Variants in SLC44A3 observed in about 807,000 individuals in gnomAD.
The protein encoded by SLC44A3 is choline transporter-like protein 3.
Under a neutral mutation model 75.4 loss-of-function variants are expected in SLC44A3, and 74 were observed. The observed-to-expected ratio is 0.98, with a 90% CI of 0.81 to 1.19. The LOEUF is 1.19. Ranked by LOEUF, SLC44A3 falls within the 50% of genes most tolerant of loss-of-function variation. SLC44A3 has a pLI of 0.00. For missense variants in SLC44A3, 700 were observed against 778.6 expected, an observed-to-expected ratio of 0.90 and a Z score of 1.20; for synonymous variants, 310 against 296.9, an observed-to-expected ratio of 1.04 and a Z score of -0.45.
At position 94,828,587 on chromosome 1, in the gene SLC44A3, G is replaced by A; in HGVS notation, c.509+1G>A. ...GTCCCAGGCTACCAGTTCCTCCAAG[G>A]TAAAAGCTTCCATACTTTTTCCTTA... is the stretch of plus-strand genomic sequence containing the variant. On this transcript the variant is annotated splice_donor_variant, in intron 5 of 14. Coordinates refer to ENST00000271227, the MANE Select transcript of SLC44A3 (RefSeq NM_001114106.3). LOFTEE classifies it high-confidence loss of function. The A allele has an allele frequency of 6.2e-7, 1 of 1,613,360 alleles. No individual in the cohort carries two copies. Among genetic ancestry groups the A allele is most frequent in the Non-Finnish European group, 8.5e-7 (1 of 1,179,630 alleles).
At chr1:94,855,401 A>G (rs1400429962) in intron 9 of SLC44A3, 1 of 152,218 alleles carries the variant, frequency 6.6e-6, no homozygotes, top group East Asian at 1.9e-4. Context: ...CCTGGCTCAG[A>G]GCACTTCTCA....
At position 94,895,026 on chromosome 1, in the gene SLC44A3, A is replaced by G. The variant is rs2101706732; in HGVS notation, c.*104A>G. 5.1e-6 allele frequency: 4 copies of G among 778,484 alleles called. No individual in the cohort carries two copies. Among genetic ancestry groups the G allele is most frequent in the Non-Finnish European group, 6.2e-6 (3 of 484,016 alleles). The allele number at this position is 778,484 out of a possible 1,614,324, so 48.2% of individuals were successfully genotyped here. ...GAAAAGTTAGTGAATTTTTTTTTAA[A>G]AGACCTAATAAACCCTATTCTTCCT... On this transcript the variant is annotated 3_prime_UTR_variant, in exon 15 of 15. Transcript: ENST00000271227.
intron 12 of SLC44A3, among the ~76,000 whole-genome samples, chr1:94,878,917 A>G (rs1557878858): frequency 6.6e-6 from 1 of 152,234 alleles, no homozygotes; most frequent in Non-Finnish European, 1.5e-5. Flanking sequence ...TACCTTATAC[A>G]GGAAAATTAA....
chr1:94,844,179 C>A (rs1664083730), intron 8 of SLC44A3, among the ~76,000 whole-genome samples: 2 of 152,230 alleles, frequency 1.3e-5, no homozygotes, highest in South Asian at 4.1e-4. Context: ...AAAATGGGAG[C>A]ACACAAGAGG....
At chr1:94,873,275 G>C (rs1233000430) in intron 12 of SLC44A3, among the ~76,000 whole-genome samples, 1 of 152,200 alleles carries the variant, frequency 6.6e-6, no homozygotes, top group Non-Finnish European at 1.5e-5. Flanking sequence ...CCTTGATGCA[G>C]TGTGTAAAGC....
In SLC44A3 at chr1:94,891,204, C is replaced by T. The variant is rs759781982; in HGVS notation, c.1557C>T (p.Ser519=). 1 of 1,613,478 alleles carries T rather than the reference C, an allele frequency of 6.2e-7. No individual in the cohort carries two copies. The highest frequency in any genetic ancestry group is 8.5e-7 in the Non-Finnish European group (1 of 1,179,706). The part of the protein sequence containing the change: ...TSAKDAFKIL[S]KNSSHFTSIN... ...CAAAAGATGCATTCAAAATCTTGTC[C>T]AAGAACTCAAGTCACTTTACATCTA... The change falls in exon 13 of 15, where the codon TCC becomes TCT. Residue 519 remains serine, a synonymous_variant. Coordinates refer to ENST00000271227, the MANE Select transcript of SLC44A3 (RefSeq NM_001114106.3).
At chr1:94,886,515 C>G (rs1204660865) in intron 12 of SLC44A3, among the ~76,000 whole-genome samples, 1 of 152,112 alleles carries the variant, frequency 6.6e-6, no homozygotes, top group African/African-American at 2.4e-5. Flanking sequence ...CTGCTGCTGC[C>G]TCCTACCCTG....
At chr1:94,832,197 A>G (rs1662221468) in intron 5 of SLC44A3, among the ~76,000 whole-genome samples, 1 of 152,086 alleles carries the variant, frequency 6.6e-6, no homozygotes, top group Admixed American at 6.5e-5. Flanking sequence ...TACCCCAGCT[A>G]ATGAAATACT....
rs575388569 is a variant in SLC44A3, at chr1:94,838,945, T to G, written c.671-1003T>G. On this transcript the variant is annotated intron_variant, in intron 6 of 14. Coordinates refer to ENST00000271227, the MANE Select transcript of SLC44A3 (RefSeq NM_001114106.3). ...TACCATGTGCCAGGCATTGTACTTA[T>G]TCTTCACTCATTAAAACCTCATCAG... 3.3e-5 allele frequency: 5 copies of G among 152,358 alleles called. No homozygotes were observed. The East Asian group carries it at 9.6e-4, about 29-fold the overall frequency. The allele number at this position is 152,358 out of a possible 1,614,324, so 9.4% of individuals were successfully genotyped here. A position where few individuals can be genotyped will look rare whatever the true frequency, so the allele number is the denominator to read the frequency against.
chr1:94,851,049 A>G (rs984460492), intron 9 of SLC44A3, among the ~76,000 whole-genome samples: 6 of 152,106 alleles, frequency 3.9e-5, no homozygotes, highest in African/African-American at 1.4e-4. Flanking sequence ...AGCAGTCTCC[A>G]TGCACATCCC....
intron 10 of SLC44A3, among the ~76,000 whole-genome samples, chr1:94,863,065 A>G (rs1666764389): frequency 1.3e-5 from 2 of 152,078 alleles, no homozygotes; most frequent in African/African-American, 2.4e-5. Context: ...CCACTTCATT[A>G]GCCTTTTTTT....
chr1:94,870,735 T>C (rs1450722778), intron 12 of SLC44A3, among the ~76,000 whole-genome samples: 2 of 152,186 alleles, frequency 1.3e-5, no homozygotes, highest in Non-Finnish European at 2.9e-5. Context: ...CAGGCTGGAG[T>C]GCAGTGGCAC....
chr1:94,853,240 C>T (rs6684031), intron 9 of SLC44A3, among the ~76,000 whole-genome samples: 1,808 of 152,120 alleles, frequency 0.012, 44 homozygotes, highest in African/African-American at 0.041. Flanking sequence ...CAGAGATGTG[C>T]GCGGTCCAGT....
chr1:94,891,575 T>C (rs1670213476), intron 13 of SLC44A3, among the ~76,000 whole-genome samples: 1 of 152,174 alleles, frequency 6.6e-6, no homozygotes, highest in African/African-American at 2.4e-5. Flanking sequence ...AAAATGCTAC[T>C]AATCTCAGAA....
chr1:94,848,102 G>A (rs552465553), intron 9 of SLC44A3, among the ~76,000 whole-genome samples: 11 of 152,158 alleles, frequency 7.2e-5, no homozygotes, highest in South Asian at 2.1e-4. Context: ...GGTGGCGGGC[G>A]CCTATAGTCC....
chr1:94,823,376 C>T (rs567591022), intron 2 of SLC44A3, among the ~76,000 whole-genome samples: 2 of 152,250 alleles, frequency 1.3e-5, no homozygotes, highest in African/African-American at 4.8e-5. Flanking sequence ...CAAAGGTGAC[C>T]CATTCATTCT....
intron 5 of SLC44A3, chr1:94,836,913 C>CAAAAAAAAAAA (rs56149444): frequency 8.0e-6 from 1 of 124,306 alleles, no homozygotes. Context: ...CCTGTCTCAA[C>CAAAAAAAAAAA]AAAAAAAAAA....
At chr1:94,858,401 A>T (rs1435695729) in intron 10 of SLC44A3, among the ~76,000 whole-genome samples, 1 of 152,162 alleles carries the variant, frequency 6.6e-6, no homozygotes, top group Non-Finnish European at 1.5e-5. Flanking sequence ...GCAATTGAGG[A>T]CACACACAAA....
intron 5 of SLC44A3, among the ~76,000 whole-genome samples, chr1:94,830,589 C>T (rs1466260197): frequency 6.6e-6 from 1 of 151,858 alleles, no homozygotes; most frequent in African/African-American, 2.4e-5. Flanking sequence ...TGTAAGGTAT[C>T]ATAAACACAT....
Sources: gnomAD v4.1 joint callset for allele counts (sites outside exome capture counted in the v4.1 genomes callset) on GRCh38, gnomAD v4.1.1 for gene constraint, MANE v1.5 for transcripts, NCBI Gene and HGNC (gene_info 2026-07-23, HGNC 2026-07-21) for gene names.